Variants in DRC11 observed in about 807,000 individuals in gnomAD.
DRC11 encodes the protein IQ and AAA domain-containing protein 1.
chr2:236,487,294 C>G, the DRC11 span, among the ~76,000 whole-genome samples: 2 of 152,190 alleles, frequency 1.3e-5, no homozygotes, highest in Admixed American at 1.3e-4. Context: ...GATGCTACAA[C>G]TTTATATTCC....
At chr2:236,457,590 T>G in the DRC11 span, among the ~76,000 whole-genome samples, 2 of 152,226 alleles carry the variant, frequency 1.3e-5, no homozygotes, top group African/African-American at 4.8e-5. The surrounding 1 kb of genome is among the most constrained non-coding windows in gnomAD (Gnocchi z 4.7). Context: ...AAAGGGGTTT[T>G]GTAGGCGTGA....
the DRC11 span, among the ~76,000 whole-genome samples, chr2:236,458,993 C>T: frequency 1.3e-5 from 2 of 151,886 alleles, no homozygotes; most frequent in Non-Finnish European, 2.9e-5. Flanking sequence ...TGTAGTCAGC[C>T]GAGATCGCAC....
chr2:236,506,709 T>C, the DRC11 span, among the ~76,000 whole-genome samples: 2 of 152,202 alleles, frequency 1.3e-5, no homozygotes, highest in South Asian at 4.1e-4. This position sits in a 1 kb window ranked among gnomAD's most constrained non-coding sequence, Gnocchi z 4.9. Flanking sequence ...GTAATACCTG[T>C]TGGAAATTAT....
At chr2:236,419,199 GT>G in the DRC11 span, 1 of 1,544,590 alleles carries the variant, frequency 6.5e-7, no homozygotes, top group Admixed American at 2.0e-5. This position sits in a 1 kb window ranked among gnomAD's most constrained non-coding sequence, Gnocchi z 4.8. Flanking sequence ...TTCTTGGGTT[GT>G]TTTTCCTTTT....
At chr2:236,401,439 A>C in the DRC11 span, among the ~76,000 whole-genome samples, 1 of 152,274 alleles carries the variant, frequency 6.6e-6, no homozygotes, top group South Asian at 2.1e-4. The surrounding 1 kb of genome is among the most constrained non-coding windows in gnomAD (Gnocchi z 4.6). Context: ...AGCAGGCAGG[A>C]AGGACCCCGC....
the DRC11 span, among the ~76,000 whole-genome samples, chr2:236,448,871 T>G: frequency 6.6e-6 from 1 of 152,112 alleles, no homozygotes; most frequent in South Asian, 2.1e-4. This position sits in a 1 kb window ranked among gnomAD's most constrained non-coding sequence, Gnocchi z 5.3. Flanking sequence ...ATTTTTTATT[T>G]TTTTCTGAGA....
At chr2:236,434,057 A>G in the DRC11 span, among the ~76,000 whole-genome samples, 1 of 152,248 alleles carries the variant, frequency 6.6e-6, no homozygotes, top group Non-Finnish European at 1.5e-5. This position sits in a 1 kb window ranked among gnomAD's most constrained non-coding sequence, Gnocchi z 5.5. Context: ...GATGCGGTGC[A>G]TTCATAGACA....
the DRC11 span, among the ~76,000 whole-genome samples, chr2:236,351,704 G>C: frequency 1.3e-5 from 2 of 152,130 alleles, no homozygotes; most frequent in African/African-American, 2.4e-5. The surrounding 1 kb of genome is among the most constrained non-coding windows in gnomAD (Gnocchi z 7.3). Context: ...GTGAGGACAA[G>C]GCCCAGGCAG....
chr2:236,331,590 C>T, the DRC11 span: 3 of 1,611,928 alleles, frequency 1.9e-6, no homozygotes, highest in African/African-American at 1.3e-5. The surrounding 1 kb of genome is among the most constrained non-coding windows in gnomAD (Gnocchi z 4.8). Context: ...TGATTTGCTT[C>T]CACAGAACTG....
chr2:236,387,327 C>G, the DRC11 span, among the ~76,000 whole-genome samples: 2 of 151,974 alleles, frequency 1.3e-5, no homozygotes, highest in African/African-American at 4.8e-5. Flanking sequence ...TCAGGACTTG[C>G]TTTATGAATC....
the DRC11 span, among the ~76,000 whole-genome samples, chr2:236,307,303 C>G: frequency 3.9e-5 from 6 of 152,282 alleles, no homozygotes; most frequent in African/African-American, 9.6e-5. This position sits in a 1 kb window ranked among gnomAD's most constrained non-coding sequence, Gnocchi z 7.0. Flanking sequence ...GCTCCTACGA[C>G]AGCGCCCCAG....
chr2:236,468,128 A>G, the DRC11 span, among the ~76,000 whole-genome samples: 1 of 152,270 alleles, frequency 6.6e-6, no homozygotes, highest in Admixed American at 6.5e-5. Flanking sequence ...ACAAGGTCTC[A>G]CTCTGTCACC....
chr2:236,322,300 T>C, the DRC11 span, among the ~76,000 whole-genome samples: 4 of 139,924 alleles, frequency 2.9e-5, no homozygotes, highest in Admixed American at 7.5e-5. Context: ...AGTGGTGCAA[T>C]CTCAGCTCAC....
the DRC11 span, among the ~76,000 whole-genome samples, chr2:236,460,397 A>G: frequency 1.3e-5 from 2 of 152,102 alleles, no homozygotes; most frequent in African/African-American, 4.8e-5. This position sits in a 1 kb window ranked among gnomAD's most constrained non-coding sequence, Gnocchi z 4.0. Context: ...GTCTCCCATG[A>G]CCCTGCCAGG....
At chr2:236,458,904 G>A in the DRC11 span, among the ~76,000 whole-genome samples, 1 of 152,076 alleles carries the variant, frequency 6.6e-6, no homozygotes, top group South Asian at 2.1e-4. Flanking sequence ...AATTAGCTGG[G>A]CATGGTGGCG....
At chr2:236,375,139 T>C in the DRC11 span, among the ~76,000 whole-genome samples, 1 of 152,064 alleles carries the variant, frequency 6.6e-6, no homozygotes, top group African/African-American at 2.4e-5. The surrounding 1 kb of genome is among the most constrained non-coding windows in gnomAD (Gnocchi z 4.2). Flanking sequence ...TCTCCAGTAC[T>C]GGGGATTATA....
At chr2:236,411,865 G>A in the DRC11 span, among the ~76,000 whole-genome samples, 247 of 138,970 alleles carry the variant, frequency 1.8e-3, no homozygotes, top group African/African-American at 6.5e-3. Context: ...ATGGACAGAG[G>A]AAGGGGAACA....
chr2:236,327,909 C>A, the DRC11 span, among the ~76,000 whole-genome samples: 1 of 152,164 alleles, frequency 6.6e-6, no homozygotes, highest in Non-Finnish European at 1.5e-5. Flanking sequence ...CTCGAACTTC[C>A]GACCTCAGGT....
the DRC11 span, chr2:236,399,582 G>T: frequency 3.0e-6 from 3 of 990,208 alleles, no homozygotes; most frequent in Admixed American, 3.7e-5. This position sits in a 1 kb window ranked among gnomAD's most constrained non-coding sequence, Gnocchi z 7.0. Flanking sequence ...TCCATGCCGC[G>T]CAGGCCCAGT....
Sources: allele counts gnomAD v4.1 joint callset (sites outside exome capture counted in the v4.1 genomes callset), GRCh38; gene constraint gnomAD v4.1.1; non-coding constraint Gnocchi (gnomAD v3.1); transcripts MANE v1.5; gene names NCBI Gene and HGNC (gene_info 2026-07-23, HGNC 2026-07-21).